Variants in CHD4 observed in about 807,000 individuals in gnomAD.
CHD4 encodes ATP-dependent chromatin remodeler CHD4.
In CHD4, 35 loss-of-function variants were observed where a neutral mutation model predicts 235.5. The observed-to-expected ratio is 0.15, with a 90% CI of 0.11 to 0.20. CHD4 has a LOEUF of 0.20. Among genes scored for constraint, CHD4 ranks in the 10% least tolerant of loss-of-function variants. CHD4 has a pLI of 1.00. For missense variants in CHD4, 1,329 were observed against 2,432.3 expected (o/e 0.55, Z 9.54); for synonymous variants, 900 against 850.2 (o/e 1.06, Z -1.02).
rs1243879317 is a variant in CHD4 at position 6,600,408 on chromosome 12, G to A, written c.1064-13C>T. 2.5e-6 allele frequency: 4 copies of A among 1,613,398 alleles called. No homozygotes were observed. Among genetic ancestry groups the A allele is most frequent in the Non-Finnish European group, 3.4e-6 (4 of 1,179,644 alleles). ...ACCTCCTCCTCGCCTGGGCAAGGAA[G>A]AGGGAAAGCCCAGTTATTGGAAAAA... On this transcript the variant is annotated splice_polypyrimidine_tract_variant and intron_variant, in intron 8 of 39. Coordinates refer to ENST00000544040, the MANE Select transcript of CHD4 (RefSeq NM_001273.5).
At chr12:6,594,740 G>A (rs1592275740) in intron 14 of CHD4, 90 bp from the exon 15 acceptor site, 26 of 1,183,580 alleles carry the variant, frequency 2.2e-5, no homozygotes, top group South Asian at 9.1e-5. Flanking sequence ...TAGTCTTCAC[G>A]GATCCTCTTG....
At chr12:6,600,416 G>A (rs1488841930) in intron 8 of CHD4, 21 bp from the exon 9 acceptor site, 2 of 1,612,622 alleles carry the variant, frequency 1.2e-6, no homozygotes, top group East Asian at 4.5e-5. Flanking sequence ...AAGAGGGAAA[G>A]CCCAGTTATT....
chr12:6,601,080 TACC>T (rs1948581602), intron 6 of CHD4, 27 bp from the exon 7 acceptor site: 1 of 1,540,878 alleles, frequency 6.5e-7, no homozygotes, highest in African/African-American at 1.4e-5. Flanking sequence ...TCCAAATATA[TACC>T]ACAAGACCAA....
rs1002138474 is a variant in CHD4 at position 6,601,687 on chromosome 12, C to T, written c.518G>A (p.Arg173Gln). Residue 173 changes from arginine (R) to glutamine (Q), a missense_variant, in exon 5 of 40, where the codon CGA becomes CAA. Physicochemically the swap from Arg to Gln is conservative, Grantham distance 43. Around this residue, in one of 26 missense-constraint regions of CHD4, gnomAD observed 39 missense variants for 86.6 expected, o/e 0.45. Transcript: ENST00000544040. ...GAAGGCCTTGTAGTTGGTGAGGGTT[C>T]GATAATCCTCCTCTGAGAACACGTG... is the stretch of plus-strand genomic sequence containing the variant. ...IDHVFSEEDY[R>Q]TLTNYKAFSQ... is the part of the protein sequence containing the mutation. The T allele has an allele frequency of 6.8e-6, 11 of 1,614,004 alleles. No individual in the cohort carries two copies. Among genetic ancestry groups the T allele is most frequent in the South Asian group, 1.1e-5 (1 of 91,092 alleles).
intron 19 of CHD4, 51 bp downstream of exon 19, chr12:6,592,342 G>C (rs760665384): frequency 6.5e-7 from 1 of 1,531,886 alleles, no homozygotes; most frequent in Non-Finnish European, 8.8e-7. Flanking sequence ...GAAACACTCT[G>C]CAGACTGGCA....
Position 6,578,554 on chromosome 12 carries a change from A to T in CHD4, c.4982-8T>A. On this transcript the variant is annotated splice_polypyrimidine_tract_variant and splice_region_variant and intron_variant, in intron 34 of 39. Transcript: ENST00000544040. The stretch of plus-strand genomic sequence containing the variant: ...CTTCTTCTTTCTTCTCTTCTACAGA[A>T]TATGGGGAAGAAAAATGTCAGCTCC... 1 of 1,609,674 alleles carries T rather than the reference A, an allele frequency of 6.2e-7. No individual in the cohort carries two copies. The highest frequency in any genetic ancestry group is 8.5e-7 in the Non-Finnish European group (1 of 1,179,560).
intron 37 of CHD4, among the ~76,000 whole-genome samples, chr12:6,575,284 C>T (rs1446586592): frequency 5.3e-5 from 8 of 151,940 alleles, no homozygotes; most frequent in Non-Finnish European, 1.0e-4. Flanking sequence ...CCCATCTCTA[C>T]TAAAAATACA....
chr12:6,600,344 T>C lies in CHD4; in HGVS notation c.1115A>G (p.Tyr372Cys). 6.2e-7 allele frequency: 1 copy of C among 1,614,096 alleles called. No individual in the cohort carries two copies. The change falls in exon 9 of 40, where the codon TAT (tyrosine) becomes TGT (cysteine). Residue 372 changes from tyrosine (Y) to cysteine (C), a missense_variant. By Grantham distance (194) the Tyr-to-Cys change is radical (BLOSUM62 -2). Around this residue, in one of 26 missense-constraint regions of CHD4, gnomAD observed 13 missense variants for 56.5 expected, o/e 0.23. Coordinates refer to ENST00000544040, the MANE Select transcript of CHD4 (RefSeq NM_001273.5). Reference sequence around the variant, plus strand: ...ACCGCCTTGCTGGCACACCTCGCAATAGTCCTGGTGGTCTGTCTCATAACC... The same window carrying C: ...ACCGCCTTGCTGGCACACCTCGCAACAGTCCTGGTGGTCTGTCTCATAACC... ...VDGYETDHQD[Y>C]CEVCQQGGEI...
intron 33 of CHD4, among the ~76,000 whole-genome samples, chr12:6,580,055 CAAAAAAAAAAAAAA>C (rs766330469): frequency 1.4e-5 from 1 of 69,026 alleles, no homozygotes. Context: ...GACTCCGTCT[CAAAAAAAAAAAAAA>C]AAAAAAAATT....
intron 14 of CHD4, 80 bp from the exon 15 acceptor site, chr12:6,594,730 T>G: frequency 1.6e-6 from 2 of 1,268,668 alleles, no homozygotes; most frequent in Non-Finnish European, 2.2e-6. Context: ...TCCTCCTCAC[T>G]AGTCTTCACG....
In CHD4 at chr12:6,607,341, A is replaced by C. The variant is rs1316259717; in HGVS notation, c.-120T>G. On this transcript the variant is annotated 5_prime_UTR_variant, in exon 1 of 40. Coordinates refer to ENST00000544040, the MANE Select transcript of CHD4 (RefSeq NM_001273.5). Reference sequence around the variant, plus strand: ...GTCGCGCTGGGTCCGGCTCGGTGTCACTCCCGCTCCGGCTCCTCCTCGCCG... The same window carrying C: ...GTCGCGCTGGGTCCGGCTCGGTGTCCCTCCCGCTCCGGCTCCTCCTCGCCG... 1 of 150,712 alleles carries C rather than the reference A, an allele frequency of 6.6e-6. No homozygotes were observed. Among genetic ancestry groups the C allele is most frequent in the Non-Finnish European group, 1.5e-5 (1 of 67,714 alleles). 9.3% of individuals were successfully genotyped at this position (150,712 alleles called of 1,614,324 possible). A position where few individuals can be genotyped will look rare whatever the true frequency, so the allele number is the denominator to read the frequency against.
intron 33 of CHD4, chr12:6,580,137 G>C (rs1271080564): frequency 2.0e-5 from 3 of 151,804 alleles, no homozygotes; most frequent in African/African-American, 7.3e-5. Flanking sequence ...TGAGGCAGGA[G>C]AATCGCTTGA....
At chr12:6,573,369 T>C (rs1232520001) in intron 37 of CHD4, 100 bp from the exon 38 acceptor site, 2 of 1,003,572 alleles carry the variant, frequency 2.0e-6, no homozygotes, top group African/African-American at 3.4e-5. Context: ...CAGATGGTAA[T>C]AAGAACCTAT....
At position 6,601,978 on chromosome 12, in the gene CHD4, ATCCTCC is replaced by A. The variant is rs71584865; in HGVS notation, c.414_419del (p.Glu138_Glu139del). ...CAGGCACCTTTGAATCATCATCATC[ATCCTCC>A]TCCTCCTCCTCCTCCTTCCGCTTGG... On this transcript the variant is annotated inframe_deletion, in exon 4 of 40. Coordinates refer to ENST00000544040, the MANE Select transcript of CHD4 (RefSeq NM_001273.5). 21 of 1,506,410 alleles carry A rather than the reference ATCCTCC, an allele frequency of 1.4e-5. No individual in the cohort carries two copies. The highest frequency in any genetic ancestry group is 1.7e-4 in the Middle Eastern group (1 of 5,846). The allele number at this position is 1,506,410 out of a possible 1,614,324, so 93.3% of individuals were successfully genotyped here.
chr12:6,571,958 T>A (rs1232891539), intron 38 of CHD4: 1 of 145,804 alleles, frequency 6.9e-6, no homozygotes, highest in African/African-American at 2.6e-5. Flanking sequence ...CAAAACTCCA[T>A]CTCAAAAAAC....
In CHD4 at chr12:6,570,326, A is replaced by G. The variant is rs753633533; in HGVS notation, c.*350T>C. ...AGAAAACACAAAATAAACCAACAAAATAAAACCAAAAGGAGGAAAAAATTC... is the reference window on the plus strand; with the variant it reads ...AGAAAACACAAAATAAACCAACAAAGTAAAACCAAAAGGAGGAAAAAATTC... On this transcript the variant is annotated 3_prime_UTR_variant, in exon 40 of 40. Transcript: ENST00000544040. 8 of 320,442 alleles carry G rather than the reference A, an allele frequency of 2.5e-5. No homozygotes were observed. The highest frequency in any genetic ancestry group is 4.6e-5 in the Non-Finnish European group (8 of 173,432). 19.8% of individuals were successfully genotyped at this position (320,442 alleles called of 1,614,324 possible).
intron 31 of CHD4, 48 bp downstream of exon 31, chr12:6,581,601 C>A (rs1399394215): frequency 6.2e-7 from 1 of 1,612,932 alleles, no homozygotes; most frequent in Non-Finnish European, 8.5e-7. Context: ...GAAAAATAGG[C>A]CAGGACAAAA....
At chr12:6,580,043 G>A (rs7307709) in intron 33 of CHD4, among the ~76,000 whole-genome samples, 30,722 of 137,860 alleles carry the variant, frequency 0.22, 4,542 homozygotes, top group African/African-American at 0.44. Context: ...GCGACAAAGC[G>A]AGACTCCGTC....
chr12:6,570,157 CT>C lies in CHD4; in HGVS notation c.*518del, dbSNP rs201057993. On this transcript the variant is annotated 3_prime_UTR_variant, in exon 40 of 40. Transcript: ENST00000544040. ...GGTTTTTTATGCTTTTGGTTTTTTCCTTTTTTTTTTTTTCCACTTTATTTCA... is the reference window on the plus strand; with the variant it reads ...GGTTTTTTATGCTTTTGGTTTTTTCCTTTTTTTTTTTTCCACTTTATTTCA... 4,021 of 145,358 alleles carry C rather than the reference CT, an allele frequency of 0.028. 69 individuals carry two copies. Among genetic ancestry groups the C allele is most frequent in the Middle Eastern group, 0.054 (15 of 280 alleles). The allele number at this position is 145,358 out of a possible 1,614,324, so 9.0% of individuals were successfully genotyped here. A position where few individuals can be genotyped will look rare whatever the true frequency, so the allele number is the denominator to read the frequency against.
Sources: allele counts gnomAD v4.1 joint callset (sites outside exome capture counted in the v4.1 genomes callset), GRCh38; gene constraint gnomAD v4.1.1; regional missense constraint gnomAD v4.1.1; transcripts MANE v1.5; gene names NCBI Gene and HGNC (gene_info 2026-07-23, HGNC 2026-07-21).